Variants in PDE4D observed in about 807,000 individuals in gnomAD.
PDE4D encodes 3',5'-cyclic-AMP phosphodiesterase 4D.
In PDE4D, 24 loss-of-function variants were observed where a neutral mutation model predicts 87.4. That is an observed-to-expected ratio of 0.27 (90% CI 0.20 to 0.39). The LOEUF is 0.39. Ranked by LOEUF, PDE4D falls within the 10% of genes least tolerant of loss-of-function variation. PDE4D has a pLI of 1.00. For synonymous variants in PDE4D, 384 were observed against 383.2 expected, an observed-to-expected ratio of 1.00 and a Z score of -0.02; for missense variants, 714 against 1,041.0, an observed-to-expected ratio of 0.69 and a Z score of 4.32.
intron 1 of PDE4D, among the ~76,000 whole-genome samples, chr5:60,501,513 C>T (rs963665463): frequency 6.6e-6 from 1 of 151,122 alleles, no homozygotes; most frequent in Non-Finnish European, 1.5e-5. Context: ...TGGGTATATA[C>T]CCAGTAATGG....
At chr5:59,432,036 A>C (rs1796182224) in intron 1 of PDE4D, among the ~76,000 whole-genome samples, 1 of 152,124 alleles carries the variant, frequency 6.6e-6, no homozygotes, top group South Asian at 2.1e-4. Context: ...TTTCAATTAC[A>C]AAATTATACA....
chr5:60,287,208 A>G (rs1005847219), intron 1 of PDE4D, among the ~76,000 whole-genome samples: 1 of 152,194 alleles, frequency 6.6e-6, no homozygotes, highest in Admixed American at 6.5e-5. Context: ...CATGAACTTA[A>G]GGTCTAGAGG....
intron 1 of PDE4D, among the ~76,000 whole-genome samples, chr5:59,426,550 G>A (rs1011720747): frequency 3.3e-5 from 5 of 152,002 alleles, no homozygotes; most frequent in African/African-American, 1.2e-4. Flanking sequence ...CACAGAGCAG[G>A]CAGCAAGGGA....
chr5:59,112,545 A>T (rs554087058), intron 5 of PDE4D, among the ~76,000 whole-genome samples: 8 of 152,296 alleles, frequency 5.3e-5, no homozygotes, highest in Non-Finnish European at 1.0e-4. Context: ...AGATGGTGAC[A>T]AGGATGCTGG....
intron 1 of PDE4D, among the ~76,000 whole-genome samples, chr5:59,317,716 G>A (rs1009724433): frequency 3.0e-4 from 46 of 152,124 alleles, no homozygotes; most frequent in African/African-American, 1.0e-3. Flanking sequence ...GTGAGACAAG[G>A]GCAGGAGATG....
intron 1 of PDE4D, among the ~76,000 whole-genome samples, chr5:59,438,593 T>C (rs1797126796): frequency 6.6e-6 from 1 of 152,190 alleles, no homozygotes; most frequent in Non-Finnish European, 1.5e-5. Context: ...GATTAAATAG[T>C]GCCTCCTTTT....
At chr5:59,385,227 G>A (rs954051292) in intron 1 of PDE4D, among the ~76,000 whole-genome samples, 1 of 152,062 alleles carries the variant, frequency 6.6e-6, no homozygotes, top group Non-Finnish European at 1.5e-5. Flanking sequence ...GTTGATTATT[G>A]GATCTCATGA....
intron 1 of PDE4D, among the ~76,000 whole-genome samples, chr5:59,417,969 A>G (rs531633584): frequency 6.6e-6 from 1 of 152,312 alleles, no homozygotes; most frequent in South Asian, 2.1e-4. Context: ...TTTTCCTGAT[A>G]GGTTTGCATT....
At chr5:59,907,339 A>G (rs913239081) in intron 3 of PDE4D, among the ~76,000 whole-genome samples, 1 of 152,074 alleles carries the variant, frequency 6.6e-6, no homozygotes, top group Non-Finnish European at 1.5e-5. Context: ...ATAAAGATCC[A>G]TTTAGTAAAT....
chr5:59,407,735 G>T (rs562338401), intron 1 of PDE4D, among the ~76,000 whole-genome samples: 1 of 152,296 alleles, frequency 6.6e-6, no homozygotes, highest in East Asian at 1.9e-4. Context: ...CCTTAGCAAA[G>T]AACTTGGCTA....
At chr5:59,911,287 G>A (rs752344389) in intron 3 of PDE4D, among the ~76,000 whole-genome samples, 1 of 152,072 alleles carries the variant, frequency 6.6e-6, no homozygotes, top group Non-Finnish European at 1.5e-5. Context: ...TAAGATTGGT[G>A]CTTGAGATAT....
intron 1 of PDE4D, among the ~76,000 whole-genome samples, chr5:59,576,117 A>G (rs1349582532): frequency 6.6e-6 from 1 of 152,164 alleles, no homozygotes; most frequent in East Asian, 1.9e-4. Context: ...TACTATAACA[A>G]TATTTATTGG....
intron 5 of PDE4D, among the ~76,000 whole-genome samples, chr5:59,092,736 T>C (rs897298641): frequency 6.6e-6 from 1 of 152,180 alleles, no homozygotes; most frequent in African/African-American, 2.4e-5. Flanking sequence ...TCCTGAGGTG[T>C]TCTTACAAAA....
chr5:59,906,962 A>G (rs1701504704), intron 3 of PDE4D, among the ~76,000 whole-genome samples: 1 of 152,208 alleles, frequency 6.6e-6, no homozygotes, highest in African/African-American at 2.4e-5. Context: ...CACAATAGCA[A>G]AGAGATGGAA....
intron 1 of PDE4D, among the ~76,000 whole-genome samples, chr5:59,625,977 A>G (rs2150128397): frequency 6.6e-6 from 1 of 152,294 alleles, no homozygotes; most frequent in African/African-American, 2.4e-5. Context: ...AGTCCCAGCT[A>G]CTTGGGTGGC....
chr5:59,401,522 T>C (rs1790647456), intron 1 of PDE4D, among the ~76,000 whole-genome samples: 1 of 150,208 alleles, frequency 6.7e-6, no homozygotes, highest in Non-Finnish European at 1.5e-5. Context: ...CCTTTAATAA[T>C]GCAAGAGAGT....
At chr5:59,087,022 T>C (rs758785854) in intron 5 of PDE4D, among the ~76,000 whole-genome samples, 4 of 152,128 alleles carry the variant, frequency 2.6e-5, no homozygotes, top group Non-Finnish European at 1.5e-5. Context: ...CCACAATCCC[T>C]GAGAAGTATA....
intron 1 of PDE4D, among the ~76,000 whole-genome samples, chr5:60,193,669 CAA>C (rs35340734): frequency 2.1e-5 from 1 of 46,888 alleles, no homozygotes; most frequent in Non-Finnish European, 4.1e-5. Flanking sequence ...GACTCCGTCT[CAA>C]AAAAAAAAAA....
intron 1 of PDE4D, among the ~76,000 whole-genome samples, chr5:60,234,539 T>C (rs1746199398): frequency 6.6e-6 from 1 of 151,816 alleles, no homozygotes; most frequent in African/African-American, 2.4e-5. Flanking sequence ...CCAAAGAGAC[T>C]GCGCTATTTT....
Sources: gnomAD v4.1 joint callset for allele counts (sites outside exome capture counted in the v4.1 genomes callset) on GRCh38, gnomAD v4.1.1 for gene constraint, MANE v1.5 for transcripts, NCBI Gene and HGNC (gene_info 2026-07-23, HGNC 2026-07-21) for gene names.